The following CNTNAP3B variants were observed in gnomAD, a reference collection of about 807,000 sequenced individuals.
CNTNAP3B encodes contactin-associated protein-like 3B.
Under a neutral mutation model 108.9 loss-of-function variants are expected in CNTNAP3B, and 25 were observed. The ratio of observed to expected loss-of-function variants is 0.23; its 90% CI spans 0.17 to 0.32. CNTNAP3B has a LOEUF of 0.32. CNTNAP3B is among the 10% of genes least tolerant of loss of function. The pLI, the probability that CNTNAP3B is intolerant of heterozygous loss-of-function variation, is 1.00. For missense variants in CNTNAP3B, 252 were observed against 1,210.4 expected (o/e 0.21, Z 11.75); for synonymous variants, 103 against 473.4 (o/e 0.22, Z 10.16).
At chr9:41,982,861 TA>T (rs572261820) in intron 9 of CNTNAP3B, among the ~76,000 whole-genome samples, 8 of 135,250 alleles carry the variant, frequency 5.9e-5, no homozygotes, top group South Asian at 2.5e-4. Flanking sequence ...TATGTAGCCA[TA>T]AAAAAAATGA....
At chr9:41,986,388 T>A (rs1825703158) in intron 8 of CNTNAP3B, 77 bp from the exon 9 acceptor site, 1 of 936,554 alleles carries the variant, frequency 1.1e-6, no homozygotes, top group Non-Finnish European at 1.6e-6. Flanking sequence ...TTGATTCAGA[T>A]CACTGAATAA....
chr9:41,952,332 A>G (rs1313415759), intron 13 of CNTNAP3B, among the ~76,000 whole-genome samples: 1 of 152,198 alleles, frequency 6.6e-6, no homozygotes, highest in African/African-American at 2.4e-5. Context: ...GAGGCAGTGA[A>G]GCAATCACAG....
chr9:41,941,764 C>CT (rs1824350665), intron 13 of CNTNAP3B, among the ~76,000 whole-genome samples: 1 of 149,128 alleles, frequency 6.7e-6, no homozygotes, highest in Admixed American at 6.7e-5. Context: ...TAAAATGTAA[C>CT]TGACTAATTG....
Position 42,113,790 on chromosome 9 carries a change from G to A in CNTNAP3B, c.86-9051C>T, listed in dbSNP as rs180718651. Among the ~76,000 whole-genome samples the A allele has an allele frequency of 0.014, 1,974 of 138,930 alleles. 478 individuals carry two copies. In the East Asian group the frequency reaches 0.32, roughly 22 times the overall value. The allele number at this position is 138,930 out of a possible 152,430, so 91.1% of individuals were successfully genotyped here. On this transcript the variant is annotated intron_variant, in intron 1 of 23. Coordinates refer to ENST00000377561, the MANE Select transcript of CNTNAP3B (RefSeq NM_001201380.3). ...ATTGTACATTTTTAAATAACTTAAA[G>A]AGTGTAATTGGATTGTTTGCAACTC...
At chr9:41,916,987 T>C (rs1462479399) in intron 18 of CNTNAP3B, among the ~76,000 whole-genome samples, 1 of 151,450 alleles carries the variant, frequency 6.6e-6, no homozygotes, top group Non-Finnish European at 1.5e-5. Context: ...ACTTTGGCTT[T>C]CAAAGTTTTT....
At chr9:42,119,395 C>T (rs866403116) in intron 1 of CNTNAP3B, among the ~76,000 whole-genome samples, 2 of 132,924 alleles carry the variant, frequency 1.5e-5, no homozygotes, top group Admixed American at 1.5e-4. Context: ...ATGAAAATGG[C>T]CATACTGCCC....
rs1823763449 is a variant in CNTNAP3B, at chr9:41,924,678, C to CACACACACACACACAT, written c.2366-586_2366-585insATGTGTGTGTGTGTGT. On this transcript the variant is annotated intron_variant, in intron 15 of 23. Coordinates refer to ENST00000377561, the MANE Select transcript of CNTNAP3B (RefSeq NM_001201380.3). Reference sequence around the variant, plus strand: ...ACACACACACACACACACACACACACACACACACACACAGTCTTAATTCCT... The same window carrying CACACACACACACACAT: ...ACACACACACACACACACACACACACACACACACACACACATACACACACACACAGTCTTAATTCCT... Among the ~76,000 whole-genome samples, 428 of 122,052 alleles carry CACACACACACACACAT rather than the reference C, an allele frequency of 3.5e-3. 1 individual carries two copies. Among genetic ancestry groups the CACACACACACACACAT allele is most frequent in the African/African-American group, 5.0e-3 (155 of 30,920 alleles). 80.1% of individuals were successfully genotyped at this position (122,052 alleles called of 152,430 possible).
chr9:42,128,008 G>T (rs1828609748), intron 1 of CNTNAP3B, among the ~76,000 whole-genome samples: 2 of 139,344 alleles, frequency 1.4e-5, no homozygotes, highest in Middle Eastern at 6.9e-3. Flanking sequence ...GTAGGAGAGG[G>T]CTGAGGCTGA....
chr9:41,982,688 C>A, intron 9 of CNTNAP3B, among the ~76,000 whole-genome samples: 1 of 151,396 alleles, frequency 6.6e-6, no homozygotes, highest in East Asian at 1.9e-4. Flanking sequence ...AGCTGCCACT[C>A]GACCCAGCAA....
chr9:41,965,164 T>G (rs1181469177), intron 10 of CNTNAP3B, among the ~76,000 whole-genome samples: 2 of 152,296 alleles, frequency 1.3e-5, no homozygotes, highest in Non-Finnish European at 2.9e-5. Flanking sequence ...TTTTAAGCAA[T>G]CTTAACACTG....
intron 15 of CNTNAP3B, 115 bp downstream of exon 15, chr9:41,929,202 C>T: frequency 2.1e-6 from 3 of 1,415,438 alleles, no homozygotes; most frequent in South Asian, 3.1e-5. Flanking sequence ...TGATATTCGC[C>T]CCAGTCCTAG....
chr9:41,993,996 C>A (rs1305937181), intron 7 of CNTNAP3B: 1 of 142,730 alleles, frequency 7.0e-6, no homozygotes, highest in Non-Finnish European at 1.5e-5. Flanking sequence ...ACCAGCTTAA[C>A]TGTGGTTCTC....
intron 2 of CNTNAP3B, among the ~76,000 whole-genome samples, chr9:42,097,291 C>G (rs62558896): frequency 0.014 from 1,916 of 140,022 alleles, 285 homozygotes; most frequent in South Asian, 0.056. Context: ...TGAGTGCGTC[C>G]AAGTTAGTTC....
At position 42,119,284 on chromosome 9, in the gene CNTNAP3B, A is replaced by C. The variant is rs1828401934; in HGVS notation, c.85+9726T>G. On this transcript the variant is annotated intron_variant, in intron 1 of 23. Transcript: ENST00000377561. ...ATCCAACTTACAAGGGATGTGAAGG[A>C]ACTCTTCAAGGAGAACTACAAACCA... Among the ~76,000 whole-genome samples, 2 of 126,722 alleles carry C rather than the reference A, an allele frequency of 1.6e-5. 1 individual carries two copies. Among genetic ancestry groups the C allele is most frequent in the African/African-American group, 6.5e-5 (2 of 30,574 alleles). The allele number at this position is 126,722 out of a possible 152,430, so 83.1% of individuals were successfully genotyped here.
At chr9:41,938,688 C>CA (rs1307859458) in intron 13 of CNTNAP3B, among the ~76,000 whole-genome samples, 1 of 152,238 alleles carries the variant, frequency 6.6e-6, no homozygotes, top group Non-Finnish European at 1.5e-5. Flanking sequence ...AAATAACATT[C>CA]AAAAAAATTC....
chr9:41,926,727 G>A (rs1320258048), intron 15 of CNTNAP3B: 3 of 152,454 alleles, frequency 2.0e-5, no homozygotes, highest in African/African-American at 7.2e-5. Flanking sequence ...AAAAAGAGAA[G>A]GGAATATTTC....
chr9:42,038,556 G>C (rs1826681048), intron 3 of CNTNAP3B, among the ~76,000 whole-genome samples: 1 of 122,970 alleles, frequency 8.1e-6, no homozygotes, highest in Non-Finnish European at 1.7e-5. Flanking sequence ...ACGGTAAAGG[G>C]ACCAATTCAA....
rs1411415981 is a variant in CNTNAP3B at position 42,113,970 on chromosome 9, T to C, written c.86-9231A>G. On this transcript the variant is annotated intron_variant, in intron 1 of 23. Transcript: ENST00000377561. ...AAACTAAAAAAATTAAAAATAATAA[T>C]AATTCTTTCTATGCACCTCTGAGAG... Among the ~76,000 whole-genome samples the C allele has an allele frequency of 1.5e-5, 2 of 132,098 alleles. 1 individual carries two copies. The highest frequency in any genetic ancestry group is 3.2e-5 in the Non-Finnish European group (2 of 62,762). 86.7% of individuals were successfully genotyped at this position (132,098 alleles called of 152,430 possible).
At chr9:41,981,817 G>A (rs1825633229) in intron 9 of CNTNAP3B, among the ~76,000 whole-genome samples, 1 of 58,786 alleles carries the variant, frequency 1.7e-5, no homozygotes, top group Non-Finnish European at 3.3e-5. Context: ...CTTTGGGAGG[G>A]TGAGGTGGGA....
Sources: allele counts gnomAD v4.1 joint callset (sites outside exome capture counted in the v4.1 genomes callset), GRCh38; gene constraint gnomAD v4.1.1; transcripts MANE v1.5; gene names NCBI Gene and HGNC (gene_info 2026-07-23, HGNC 2026-07-21).